Variants in SYCE1L observed in about 807,000 individuals in gnomAD.
SYCE1L encodes the protein synaptonemal complex central element protein 1 like.
SYCE1L carries 51 observed loss-of-function variants against 39.6 expected under a neutral mutation model. The observed-to-expected ratio is 1.29, with a 90% CI of 1.03 to 1.63. The LOEUF (loss-of-function observed/expected upper bound fraction) is 1.63, where lower values mean the gene tolerates loss of function less well. Ranked by LOEUF, SYCE1L falls within the 40% of genes most tolerant of loss-of-function variation. The pLI, the probability that SYCE1L is intolerant of heterozygous loss-of-function variation, is 0.00. For missense variants in SYCE1L, 426 were observed against 304.9 expected, an observed-to-expected ratio of 1.40 and a Z score of -2.96; for synonymous variants, 147 against 122.4, an observed-to-expected ratio of 1.20 and a Z score of -1.33.
rs1305150101 is a variant in SYCE1L, at chr16:77,212,349, C to T, written c.561C>T (p.Gly187=). The change falls in exon 9 of 11, where the codon GGC becomes GGT. Residue 187 remains glycine (G), a synonymous_variant. Transcript: ENST00000378644. ...RRLHSPPEVE[G]AMAVNDGLKA... is the part of the protein sequence containing the mutation. ...TGCACTCGCCGCCTGAGGTCGAGGG[C>T]GCCATGGCGGTGAATGACGGGTGAG... The T allele has an allele frequency of 6.6e-7, 1 of 1,526,652 alleles. No individual in the cohort carries two copies. Among genetic ancestry groups the T allele is most frequent in the Non-Finnish European group, 8.8e-7 (1 of 1,138,290 alleles). 94.6% of individuals were successfully genotyped at this position (1,526,652 alleles called of 1,614,324 possible).
chr16:77,200,286 A>ATG (rs1567423047), intron 1 of SYCE1L: 13 of 120,906 alleles, frequency 1.1e-4, no homozygotes, highest in South Asian at 5.2e-4. Context: ...ATATATATAT[A>ATG]TATATACACA....
In SYCE1L at chr16:77,200,270, A is replaced by ATATG. The variant is rs1273001153; in HGVS notation, c.61+759_61+760insATGT. ...TATGTATATGTGTATATATATATAT[A>ATATG]TGTGTATATATATATATATATACAC... On this transcript the variant is annotated intron_variant, in intron 1 of 10. Coordinates refer to ENST00000378644, the MANE Select transcript of SYCE1L (RefSeq NM_001129979.3). 337 of 94,814 alleles carry ATATG rather than the reference A, an allele frequency of 3.6e-3. 4 individuals carry two copies. Among genetic ancestry groups the ATATG allele is most frequent in the South Asian group, 0.015 (42 of 2,856 alleles). 5.9% of individuals were successfully genotyped at this position (94,814 alleles called of 1,614,324 possible). A position where few individuals can be genotyped will look rare whatever the true frequency, so the allele number is the denominator to read the frequency against.
At chr16:77,199,774 G>A (rs910434956) in intron 1 of SYCE1L, 2 of 361,734 alleles carry the variant, frequency 5.5e-6, no homozygotes, top group South Asian at 5.7e-5. Flanking sequence ...AGTTCAGTAC[G>A]AAAGTCTTCA....
intron 1 of SYCE1L, among the ~76,000 whole-genome samples, chr16:77,205,235 C>G (rs1179394317): frequency 1.3e-5 from 2 of 151,564 alleles, no homozygotes; most frequent in African/African-American, 4.8e-5. Flanking sequence ...TCTTCATTAA[C>G]TTTTTGGCTA....
Position 77,208,532 on chromosome 16 carries a change from A to G in SYCE1L, c.249A>G (p.Leu83=). Residue 83 remains leucine (L), a synonymous_variant, in exon 4 of 11, where the codon TTA becomes TTG. Transcript: ENST00000378644. ...HSLWEALHRE[L]DSLNGEKVHL... is the part of the protein sequence containing the mutation. ...TCTGGGAGGCCCTGCATAGGGAATT[A>G]GACTCCTGTAAGTGGGGCCAAAAGA... The G allele has an allele frequency of 6.4e-7, 1 of 1,551,710 alleles. No homozygotes were observed. Among genetic ancestry groups the G allele is most frequent in the Non-Finnish European group, 8.7e-7 (1 of 1,146,994 alleles).
intron 1 of SYCE1L, among the ~76,000 whole-genome samples, chr16:77,204,018 G>T (rs777935283): frequency 2.0e-5 from 3 of 151,758 alleles, no homozygotes; most frequent in Admixed American, 6.6e-5. Context: ...TAAGGTTTTG[G>T]TACTTATTCA....
intron 1 of SYCE1L, among the ~76,000 whole-genome samples, chr16:77,203,687 C>T (rs149267315): frequency 1.2e-4 from 18 of 148,424 alleles, no homozygotes; most frequent in Admixed American, 4.1e-4. Context: ...CTCCATCTCC[C>T]GGGTTCTAGT....
intron 1 of SYCE1L, chr16:77,200,939 A>G (rs1016292024): frequency 6.6e-6 from 1 of 152,156 alleles, no homozygotes; most frequent in African/African-American, 2.4e-5. Context: ...CCCCACTTTT[A>G]TCTATCTCGA....
intron 1 of SYCE1L, chr16:77,202,139 G>A: frequency 6.6e-6 from 1 of 152,114 alleles, no homozygotes; most frequent in South Asian, 2.1e-4. Context: ...TGGCACCTGA[G>A]GATCCTATAT....
At chr16:77,202,661 C>G (rs2054754685) in intron 1 of SYCE1L, among the ~76,000 whole-genome samples, 1 of 152,108 alleles carries the variant, frequency 6.6e-6, no homozygotes, top group Non-Finnish European at 1.5e-5. Context: ...GAGTATTAAT[C>G]TTGTCAGTTG....
At chr16:77,208,125 C>A in intron 2 of SYCE1L, 85 bp from the exon 3 acceptor site, 3 of 1,308,402 alleles carry the variant, frequency 2.3e-6, no homozygotes, top group Non-Finnish European at 3.2e-6. Flanking sequence ...TAATTGATAG[C>A]AGCAGACACA....
At chr16:77,200,823 A>AAT (rs2054733839) in intron 1 of SYCE1L, 2 of 152,010 alleles carry the variant, frequency 1.3e-5, no homozygotes, top group South Asian at 4.1e-4. Flanking sequence ...TGCCACTAGC[A>AAT]TTTTTTTGTT....
chr16:77,200,266 A>ATATGTATATATATATATATG (rs199897111), intron 1 of SYCE1L: 1 of 111,314 alleles, frequency 9.0e-6, no homozygotes, highest in African/African-American at 3.3e-5. Context: ...GTATATATAT[A>ATATGTATATATATATATATG]TATATGTGTA....
Position 77,212,279 on chromosome 16 carries a change from C to T in SYCE1L, c.494-3C>T, listed in dbSNP as rs374642507. On this transcript the variant is annotated splice_polypyrimidine_tract_variant and splice_region_variant and intron_variant, in intron 8 of 10. Coordinates refer to ENST00000378644, the MANE Select transcript of SYCE1L (RefSeq NM_001129979.3). ...CCTGCCCCTGACGCCCGCCCACCGA[C>T]AGGGAGGCTGGTGCGCGCCAAGCTG... is the stretch of plus-strand genomic sequence containing the variant. The T allele has an allele frequency of 6.6e-7, 1 of 1,519,124 alleles. No individual in the cohort carries two copies. The highest frequency in any genetic ancestry group is 2.5e-5 in the East Asian group (1 of 40,198). The allele number at this position is 1,519,124 out of a possible 1,614,324, so 94.1% of individuals were successfully genotyped here.
Position 77,199,498 on chromosome 16 carries a change from C to G in SYCE1L, c.47C>G (p.Thr16Ser). 1 of 1,551,402 alleles carries G rather than the reference C, an allele frequency of 6.4e-7. No homozygotes were observed. The highest frequency in any genetic ancestry group is 1.4e-5 in the African/African-American group (1 of 73,142). ...KPLNVEAPEA[T>S]EEAEGQAKSL... ...CTGAATGTGGAGGCGCCAGAAGCTA[C>G]TGAGGAGGCTGAAGGTAGTGAGGGC... Residue 16 changes from threonine (T) to serine (S), a missense_variant, in exon 1 of 11, where the codon ACT (threonine) becomes AGT (serine). Physicochemically the swap from Thr to Ser is moderately conservative, Grantham distance 58 (BLOSUM62 1). Coordinates refer to ENST00000378644, the MANE Select transcript of SYCE1L (RefSeq NM_001129979.3).
intron 1 of SYCE1L, 42 bp downstream of exon 1, chr16:77,199,554 G>A: frequency 6.9e-7 from 1 of 1,440,438 alleles, no homozygotes; most frequent in African/African-American, 1.4e-5. Flanking sequence ...TCTCCAACCA[G>A]GGCAGAAAGG....
At chr16:77,199,653 C>T (rs2054709091) in intron 1 of SYCE1L, 141 bp downstream of exon 1, 3 of 726,858 alleles carry the variant, frequency 4.1e-6, no homozygotes. Flanking sequence ...TGAAGAAAAA[C>T]AATTTTTTAA....
At chr16:77,208,117 A>C in intron 2 of SYCE1L, 93 bp from the exon 3 acceptor site, 1 of 1,289,026 alleles carries the variant, frequency 7.8e-7, no homozygotes, top group Non-Finnish European at 1.1e-6. Flanking sequence ...ATGCCGGTTA[A>C]TTGATAGCAG....
At chr16:77,199,636 T>G in intron 1 of SYCE1L, 124 bp downstream of exon 1, 1 of 868,970 alleles carries the variant, frequency 1.2e-6, no homozygotes. Context: ...GTTAAGCCTT[T>G]TGTTATTGAA....
Sources: gnomAD v4.1 joint callset for allele counts (sites outside exome capture counted in the v4.1 genomes callset) on GRCh38, gnomAD v4.1.1 for gene constraint, MANE v1.5 for transcripts, NCBI Gene and HGNC (gene_info 2026-07-23, HGNC 2026-07-21) for gene names.